KIAA0232: variants seen among roughly 807,000 people sequenced by gnomAD.
The protein encoded by KIAA0232 is KIAA0232.
KIAA0232 carries 27 observed loss-of-function variants against 122.0 expected under a neutral mutation model. The ratio of observed to expected loss-of-function variants is 0.22; its 90% CI spans 0.16 to 0.31. The LOEUF is 0.31. Among genes scored for constraint, KIAA0232 ranks in the 10% least tolerant of loss-of-function variants. The pLI is 1.00. For synonymous variants in KIAA0232, 613 were observed against 587.6 expected (o/e 1.04, Z -0.63); for missense variants, 1,551 against 1,634.2 (o/e 0.95, Z 0.88).
chr4:6,787,071 C>A (rs956918651), intron 1 of KIAA0232, among the ~76,000 whole-genome samples: 1 of 149,654 alleles, frequency 6.7e-6, no homozygotes, highest in African/African-American at 2.5e-5. Context: ...GTCCCAGCTA[C>A]TTGGGAGGCT....
At chr4:6,791,421 C>G (rs1716889445) in intron 1 of KIAA0232, among the ~76,000 whole-genome samples, 1 of 150,088 alleles carries the variant, frequency 6.7e-6, no homozygotes, top group Non-Finnish European at 1.5e-5. Context: ...GGCCACCTCC[C>G]AGGCTCAATT....
chr4:6,857,065 G>A (rs1720605790), intron 4 of KIAA0232, 99 bp from the exon 5 acceptor site: 1 of 694,252 alleles, frequency 1.4e-6, no homozygotes, highest in South Asian at 3.3e-5. Flanking sequence ...TTTGGAATGT[G>A]GATGATTTGT....
chr4:6,837,340 C>T (rs1008373859), intron 3 of KIAA0232, among the ~76,000 whole-genome samples: 4 of 151,660 alleles, frequency 2.6e-5, no homozygotes, highest in Non-Finnish European at 4.4e-5. Context: ...AGGTGCTCCC[C>T]ACATCCCAGA....
intron 4 of KIAA0232, among the ~76,000 whole-genome samples, chr4:6,849,081 A>T (rs1720130906): frequency 6.6e-6 from 1 of 152,346 alleles, no homozygotes; most frequent in African/African-American, 2.4e-5. Flanking sequence ...TGCCAATCAG[A>T]TGCTGATCAG....
chr4:6,795,599 T>C (rs1332847543), intron 1 of KIAA0232, among the ~76,000 whole-genome samples: 1 of 152,178 alleles, frequency 6.6e-6, no homozygotes, highest in African/African-American at 2.4e-5. Flanking sequence ...TAGAAATATA[T>C]TTATTTATTT....
chr4:6,827,577 C>T (rs887633581), intron 3 of KIAA0232, among the ~76,000 whole-genome samples: 1 of 152,206 alleles, frequency 6.6e-6, no homozygotes, highest in Non-Finnish European at 1.5e-5. Context: ...TAGCCATGAG[C>T]GGCCAGTTTG....
chr4:6,820,439 G>C (rs903001674), intron 2 of KIAA0232, among the ~76,000 whole-genome samples: 3 of 152,116 alleles, frequency 2.0e-5, no homozygotes, highest in African/African-American at 7.2e-5. Flanking sequence ...ATTAGGTGTT[G>C]CTGTTTTAAA....
chr4:6,871,455 A>G (rs2108830635), intron 7 of KIAA0232, 119 bp from the exon 8 acceptor site: 2 of 623,728 alleles, frequency 3.2e-6, no homozygotes, highest in East Asian at 2.8e-5. Context: ...AAGAAAAATC[A>G]AAAAACCTCA....
chr4:6,817,895 T>G (rs1170872760), intron 2 of KIAA0232, among the ~76,000 whole-genome samples: 2 of 152,186 alleles, frequency 1.3e-5, no homozygotes, highest in Non-Finnish European at 2.9e-5. Context: ...TTTTGATACA[T>G]CTATCCCTTT....
intron 3 of KIAA0232, among the ~76,000 whole-genome samples, chr4:6,831,894 C>T (rs956116457): frequency 6.6e-6 from 1 of 152,202 alleles, no homozygotes; most frequent in African/African-American, 2.4e-5. Context: ...GCCTCTTGTC[C>T]CGGACCTAGG....
At chr4:6,877,279 C>G (rs949636441) in intron 9 of KIAA0232, among the ~76,000 whole-genome samples, 1 of 152,198 alleles carries the variant, frequency 6.6e-6, no homozygotes, top group African/African-American at 2.4e-5. Context: ...ACTTGCGTTC[C>G]GTTTCTGCAT....
At chr4:6,821,398 A>G (rs942723499) in intron 2 of KIAA0232, among the ~76,000 whole-genome samples, 2 of 151,956 alleles carry the variant, frequency 1.3e-5, no homozygotes, top group African/African-American at 4.8e-5. Flanking sequence ...CTGAATTTCC[A>G]AAGTCCACTG....
At chr4:6,814,701 G>T (rs1718040399) in intron 2 of KIAA0232, among the ~76,000 whole-genome samples, 1 of 152,110 alleles carries the variant, frequency 6.6e-6, no homozygotes, top group African/African-American at 2.4e-5. Flanking sequence ...GAAGCTGTGG[G>T]CACAAAAGCC....
rs1722121119 is a variant in KIAA0232 at position 6,882,394 on chromosome 4, T to C, written c.*1428T>C. Reference sequence around the variant, plus strand: ...GGCAGTAAACACACATATAATTTATTAGCTGGGAGCTGAACTGGCTGTGAA... The same window carrying C: ...GGCAGTAAACACACATATAATTTATCAGCTGGGAGCTGAACTGGCTGTGAA... On this transcript the variant is annotated 3_prime_UTR_variant, in exon 10 of 10. Transcript: ENST00000307659. 1 of 152,246 alleles carries C rather than the reference T, an allele frequency of 6.6e-6. No homozygotes were observed. Among genetic ancestry groups the C allele is most frequent in the African/African-American group, 2.4e-5 (1 of 41,466 alleles). 9.4% of individuals were successfully genotyped at this position (152,246 alleles called of 1,614,324 possible). A position where few individuals can be genotyped will look rare whatever the true frequency, so the allele number is the denominator to read the frequency against.
At chr4:6,878,953 T>C (rs1721908436) in intron 9 of KIAA0232, among the ~76,000 whole-genome samples, 1 of 152,144 alleles carries the variant, frequency 6.6e-6, no homozygotes, top group African/African-American at 2.4e-5. Context: ...CTAGTTCACA[T>C]CATCCCTCCA....
In KIAA0232 at chr4:6,850,373, A is replaced by G. The variant is rs563850968; in HGVS notation, c.370-6791A>G. Among the ~76,000 whole-genome samples, 5 of 152,252 alleles carry G rather than the reference A, an allele frequency of 3.3e-5. No individual in the cohort carries two copies. The East Asian group carries it at 9.6e-4, about 29-fold the overall frequency. On this transcript the variant is annotated intron_variant, in intron 4 of 9. Transcript: ENST00000307659. ...ACCCCGCTTGGTGTTTGTCTTTCCCATGCTTATTTTCGTATGTTTACTAAA... is the reference window on the plus strand; with the variant it reads ...ACCCCGCTTGGTGTTTGTCTTTCCCGTGCTTATTTTCGTATGTTTACTAAA...
At chr4:6,866,439 TTCATC>T (rs1328020208) in intron 7 of KIAA0232, among the ~76,000 whole-genome samples, 1 of 152,226 alleles carries the variant, frequency 6.6e-6, no homozygotes, top group African/African-American at 2.4e-5. Context: ...ACTTCATAGA[TTCATC>T]TGAGATGTGC....
chr4:6,880,005 T>C (rs4991684), intron 9 of KIAA0232, among the ~76,000 whole-genome samples: 150 of 3,954 alleles, frequency 0.038, 21 homozygotes, highest in Non-Finnish European at 0.077. Context: ...CACAGGTCTG[T>C]AGTGTCGCCT....
intron 4 of KIAA0232, among the ~76,000 whole-genome samples, chr4:6,842,416 A>AAT (rs1295305260): frequency 6.6e-6 from 1 of 152,128 alleles, no homozygotes; most frequent in East Asian, 1.9e-4. Context: ...TACTCTAATT[A>AAT]AGAGTATACA....
Sources: gnomAD v4.1 joint callset for allele counts (sites outside exome capture counted in the v4.1 genomes callset) on GRCh38, gnomAD v4.1.1 for gene constraint, MANE v1.5 for transcripts, NCBI Gene and HGNC (gene_info 2026-07-23, HGNC 2026-07-21) for gene names.